LRP1B: variants seen among roughly 807,000 people sequenced by gnomAD.
LRP1B encodes low-density lipoprotein receptor-related protein 1B.
Under a neutral mutation model 556.6 loss-of-function variants are expected in LRP1B, and 217 were observed. The ratio of observed to expected loss-of-function variants is 0.39; its 90% CI spans 0.35 to 0.44. LRP1B has a LOEUF of 0.44. Among genes scored for constraint, LRP1B ranks in the 20% least tolerant of loss-of-function variants. The pLI is 1.00. For synonymous variants in LRP1B, 2,047 were observed against 1,865.8 expected (o/e 1.10, Z -2.50); for missense variants, 5,053 against 5,620.8 (o/e 0.90, Z 3.23).
chr2:140,474,767 G>T (rs1236064429), intron 60 of LRP1B, among the ~76,000 whole-genome samples: 5 of 151,818 alleles, frequency 3.3e-5, no homozygotes, highest in Non-Finnish European at 5.9e-5. Flanking sequence ...CTTTTACTCA[G>T]TTTTTTAAGA....
chr2:141,875,393 A>T (rs1309550828), intron 1 of LRP1B, among the ~76,000 whole-genome samples: 1 of 151,904 alleles, frequency 6.6e-6, no homozygotes, highest in African/African-American at 2.4e-5. Context: ...ATTAACCTAC[A>T]GGCAAACACT....
chr2:140,849,974 T>C, intron 29 of LRP1B, 128 bp downstream of exon 29: 2 of 639,858 alleles, frequency 3.1e-6, no homozygotes, highest in East Asian at 2.7e-5. Flanking sequence ...TTATTAAATC[T>C]CTAATCAATT....
chr2:141,204,252 G>GT (rs977446045), intron 6 of LRP1B, among the ~76,000 whole-genome samples: 4 of 152,102 alleles, frequency 2.6e-5, no homozygotes, highest in African/African-American at 9.7e-5. Flanking sequence ...TTTGATTGCT[G>GT]TTTTTTCAAG....
intron 66 of LRP1B, among the ~76,000 whole-genome samples, chr2:140,399,432 T>C (rs1684398870): frequency 1.3e-5 from 2 of 152,172 alleles, no homozygotes; most frequent in South Asian, 4.1e-4. Flanking sequence ...TTTTCCTATA[T>C]AGATAAGGAT....
At chr2:140,745,928 T>C (rs1385565253) in intron 35 of LRP1B, among the ~76,000 whole-genome samples, 1 of 152,170 alleles carries the variant, frequency 6.6e-6, no homozygotes, top group Non-Finnish European at 1.5e-5. Context: ...GGAAAGAGCA[T>C]AGAATTTAAG....
In LRP1B at chr2:141,058,902, T is replaced by C. The variant is rs141257952; in HGVS notation, c.1389A>G (p.Gln463=). Residue 463 remains glutamine, a synonymous_variant, in exon 9 of 91, where the codon CAA becomes CAG. Transcript: ENST00000389484. ...IENAWGIRIY[Q]KRTQPTVRSH... is the part of the protein sequence containing the mutation. ...ACTTACCTGTTGGTTGAGTTCTTTT[T>C]TGATAAATTCGGATTCCCCAAGCAT... 27 of 1,589,344 alleles carry C rather than the reference T, an allele frequency of 1.7e-5. No homozygotes were observed. The African/African-American group carries it at 3.4e-4, about 20-fold the overall frequency.
At chr2:141,896,768 G>C (rs570607739) in intron 1 of LRP1B, among the ~76,000 whole-genome samples, 1 of 152,224 alleles carries the variant, frequency 6.6e-6, no homozygotes, top group Admixed American at 6.5e-5. Flanking sequence ...AAAATGTCTA[G>C]ATCAGTTTTG....
At chr2:141,940,522 T>C (rs1700765626) in intron 1 of LRP1B, among the ~76,000 whole-genome samples, 2 of 152,114 alleles carry the variant, frequency 1.3e-5, no homozygotes, top group African/African-American at 4.8e-5. Context: ...TTACTATGTT[T>C]TAGATATCGG....
At chr2:140,369,756 TAAAG>T (rs922627579) in intron 71 of LRP1B, among the ~76,000 whole-genome samples, 12 of 151,906 alleles carry the variant, frequency 7.9e-5, no homozygotes, top group African/African-American at 2.9e-4. Context: ...GAAATAATAT[TAAAG>T]AAAGTAAAAT....
At chr2:140,621,659 A>G (rs189356610) in intron 41 of LRP1B, among the ~76,000 whole-genome samples, 1 of 152,298 alleles carries the variant, frequency 6.6e-6, no homozygotes, top group East Asian at 1.9e-4. Context: ...TTCACCTGCT[A>G]CTGACATTCT....
At chr2:140,508,566 G>A (rs1261518468) in intron 52 of LRP1B, among the ~76,000 whole-genome samples, 1 of 152,124 alleles carries the variant, frequency 6.6e-6, no homozygotes, top group East Asian at 1.9e-4. Context: ...CCACATAGAA[G>A]TAGCATGAAC....
intron 7 of LRP1B, among the ~76,000 whole-genome samples, chr2:141,083,384 G>T (rs1279246656): frequency 6.9e-6 from 1 of 144,714 alleles, no homozygotes; most frequent in Non-Finnish European, 1.5e-5. Context: ...GAACAGGGAT[G>T]ATTAAAAAAA....
At chr2:140,608,306 T>C (rs1375171764) in intron 41 of LRP1B, among the ~76,000 whole-genome samples, 43 of 152,166 alleles carry the variant, frequency 2.8e-4, no homozygotes, top group Admixed American at 2.8e-3. Context: ...TCCAAGTGGC[T>C]GCTAATCCTG....
At chr2:140,868,030 A>G (rs1693005904) in intron 26 of LRP1B, 69 bp downstream of exon 26, 1 of 1,484,080 alleles carries the variant, frequency 6.7e-7, no homozygotes, top group Non-Finnish European at 9.0e-7. Flanking sequence ...ACATGTTAGG[A>G]CACTTTCCAA....
At chr2:141,062,605 G>A (rs983569167) in intron 7 of LRP1B, among the ~76,000 whole-genome samples, 7 of 151,730 alleles carry the variant, frequency 4.6e-5, no homozygotes, top group Non-Finnish European at 8.8e-5. Context: ...CTTCAGAAGT[G>A]AGCCAAGTCA....
At position 141,360,515 on chromosome 2, in the gene LRP1B, C is replaced by T. The variant is rs79244701; in HGVS notation, c.344-105874G>A. On this transcript the variant is annotated intron_variant, in intron 3 of 90. Coordinates refer to ENST00000389484, the MANE Select transcript of LRP1B (RefSeq NM_018557.3). Reference sequence around the variant, plus strand: ...TTTCATCAATGTGTGTTTATTGATCCTGTCTTTACTTTTGTTCTTTCTTTT... The same window carrying T: ...TTTCATCAATGTGTGTTTATTGATCTTGTCTTTACTTTTGTTCTTTCTTTT... Among the ~76,000 whole-genome samples, 94 of 152,300 alleles carry T rather than the reference C, an allele frequency of 6.2e-4. 1 individual carries two copies. In the East Asian group the frequency reaches 0.015, roughly 24 times the overall value.
At chr2:141,752,448 G>A (rs983169483) in intron 2 of LRP1B, among the ~76,000 whole-genome samples, 1 of 152,042 alleles carries the variant, frequency 6.6e-6, no homozygotes, top group Non-Finnish European at 1.5e-5. Context: ...TTCCATACTC[G>A]ATGATGCTCT....
chr2:141,026,828 A>T (rs1443604423), intron 11 of LRP1B, among the ~76,000 whole-genome samples: 1 of 152,130 alleles, frequency 6.6e-6, no homozygotes, highest in Non-Finnish European at 1.5e-5. Context: ...CCTTGTTGTG[A>T]ATTCAGTATG....
chr2:140,898,908 GA>G (rs1694024536), intron 23 of LRP1B: 4 of 385,380 alleles, frequency 1.0e-5, no homozygotes, highest in Non-Finnish European at 2.1e-5. Context: ...TCAACTGGAA[GA>G]AGATATCTCA....
Sources: gnomAD v4.1 joint callset for allele counts (sites outside exome capture counted in the v4.1 genomes callset) on GRCh38, gnomAD v4.1.1 for gene constraint, MANE v1.5 for transcripts, NCBI Gene and HGNC (gene_info 2026-07-23, HGNC 2026-07-21) for gene names.